TRIO: variants seen among roughly 807,000 people sequenced by gnomAD.
The protein encoded by TRIO is triple functional domain protein.
A neutral mutation model predicts 351.9 loss-of-function variants in TRIO; 58 were observed. That is an observed-to-expected ratio of 0.16 (90% CI 0.13 to 0.21). The LOEUF (loss-of-function observed/expected upper bound fraction) is 0.21. TRIO is among the 10% of genes least tolerant of loss of function. The pLI, the probability that TRIO is intolerant of heterozygous loss-of-function variation, is 1.00. For synonymous variants in TRIO, 1,758 were observed against 1,595.7 expected, an observed-to-expected ratio of 1.10 and a Z score of -2.42; for missense variants, 3,201 against 4,027.8, an observed-to-expected ratio of 0.79 and a Z score of 5.56.
intron 34 of TRIO, chr5:14,420,788 A>T (rs1304221810): frequency 6.6e-6 from 1 of 152,314 alleles, no homozygotes; most frequent in Non-Finnish European, 1.5e-5. Flanking sequence ...ATAAAGTACA[A>T]CTTTTCCTGA....
rs1305874554 is a variant in TRIO, at chr5:14,507,933, T to G, written c.8805T>G (p.Ala2935=). Residue 2935 remains alanine, a synonymous_variant, in exon 57 of 57, where the codon GCT becomes GCG. Transcript: ENST00000344204. ...ESLAKPTIKL[A]DFGDAVQLNT... The stretch of plus-strand genomic sequence containing the variant: ...TAGCCAAGCCAACCATCAAACTGGC[T>G]GACTTTGGAGATGCTGTTCAGCTCA... 6.2e-7 allele frequency: 1 copy of G among 1,614,178 alleles called. No individual in the cohort carries two copies. The highest frequency in any genetic ancestry group is 8.5e-7 in the Non-Finnish European group (1 of 1,180,034).
chr5:14,258,602 G>T (rs1473351871), intron 1 of TRIO, among the ~76,000 whole-genome samples: 1 of 152,188 alleles, frequency 6.6e-6, no homozygotes, highest in Non-Finnish European at 1.5e-5. Flanking sequence ...ACCCCACTCA[G>T]ATTGGGCACT....
chr5:14,170,242 A>G (rs1789014689), intron 1 of TRIO, among the ~76,000 whole-genome samples: 1 of 152,198 alleles, frequency 6.6e-6, no homozygotes. Flanking sequence ...TGAGAGCTTT[A>G]TAATATAGAT....
chr5:14,219,500 G>A (rs1228751927), intron 1 of TRIO, among the ~76,000 whole-genome samples: 2 of 152,212 alleles, frequency 1.3e-5, no homozygotes, highest in East Asian at 3.8e-4. Context: ...CTCTATCAAA[G>A]CCTTAGGCTG....
intron 33 of TRIO, among the ~76,000 whole-genome samples, chr5:14,412,644 G>C (rs1221258529): frequency 6.6e-6 from 1 of 152,294 alleles, no homozygotes; most frequent in Middle Eastern, 3.4e-3. Flanking sequence ...GCCAGCTCAG[G>C]GCTCTGAGTT....
At chr5:14,156,576 T>G (rs974014493) in intron 1 of TRIO, among the ~76,000 whole-genome samples, 4 of 152,228 alleles carry the variant, frequency 2.6e-5, no homozygotes, top group Admixed American at 2.0e-4. Flanking sequence ...TAGTCTTTCC[T>G]CTTCCGTATT....
chr5:14,293,727 A>G (rs1006714010), intron 6 of TRIO, among the ~76,000 whole-genome samples: 20 of 152,318 alleles, frequency 1.3e-4, no homozygotes, highest in African/African-American at 3.8e-4. Flanking sequence ...TGACTGTAGG[A>G]CTACATCACA....
chr5:14,276,541 G>C (rs1735537068), intron 2 of TRIO, among the ~76,000 whole-genome samples: 1 of 152,238 alleles, frequency 6.6e-6, no homozygotes, highest in African/African-American at 2.4e-5. Context: ...TTCACAAACT[G>C]TGTCTTTCAG....
At chr5:14,455,182 C>T (rs568637831) in intron 34 of TRIO, among the ~76,000 whole-genome samples, 6 of 152,244 alleles carry the variant, frequency 3.9e-5, no homozygotes, top group South Asian at 4.2e-4. Context: ...AATGGGTTGC[C>T]GCTGCTGGCT....
intron 34 of TRIO, among the ~76,000 whole-genome samples, chr5:14,423,709 A>C (rs558294110): frequency 1.4e-4 from 22 of 152,250 alleles, no homozygotes; most frequent in African/African-American, 5.3e-4. Flanking sequence ...TCTCTGCCGG[A>C]TGCATTTCTG....
intron 35 of TRIO, 129 bp from the exon 36 acceptor site, chr5:14,462,626 T>A (rs1753914564): frequency 7.7e-7 from 1 of 1,305,162 alleles, no homozygotes; most frequent in African/African-American, 1.5e-5. Flanking sequence ...ACCATCGAGG[T>A]CGAGAATAGC....
chr5:14,444,654 G>A (rs533820046), intron 34 of TRIO, among the ~76,000 whole-genome samples: 37 of 152,154 alleles, frequency 2.4e-4, no homozygotes, highest in Non-Finnish European at 3.5e-4. Context: ...AATCTACATT[G>A]AAGGTTCTAT....
In TRIO at chr5:14,406,494, T is replaced by G; in HGVS notation, c.4860-79T>G. 3.6e-6 allele frequency: 5 copies of G among 1,379,938 alleles called. No individual in the cohort carries two copies. The South Asian group carries it at 5.8e-5, about 16-fold the overall frequency. 85.5% of individuals were successfully genotyped at this position (1,379,938 alleles called of 1,614,324 possible). On this transcript the variant is annotated intron_variant, in intron 32 of 56. Transcript: ENST00000344204. ...GCACTCACGAAGGCTGATATGCACC[T>G]CATTAAACAAATCAGTTGCTTCTCC...
At chr5:14,162,724 A>G (rs766565043) in intron 1 of TRIO, among the ~76,000 whole-genome samples, 2 of 152,330 alleles carry the variant, frequency 1.3e-5, no homozygotes, top group South Asian at 4.1e-4. Context: ...GTTTGCAAGT[A>G]TTATATGATC....
rs188743269 is a variant in TRIO at position 14,383,102 on chromosome 5, G to A, written c.3570+1850G>A. On this transcript the variant is annotated intron_variant, in intron 21 of 56. Coordinates refer to ENST00000344204, the MANE Select transcript of TRIO (RefSeq NM_007118.4). ...CAAGGGAGGCTGAGGTGGGAGGATCGCTTGAGGCCAGGAGTTTGAGACCAG... is the reference window on the plus strand; with the variant it reads ...CAAGGGAGGCTGAGGTGGGAGGATCACTTGAGGCCAGGAGTTTGAGACCAG... 9.2e-5 allele frequency among the ~76,000 whole-genome samples: 14 copies of A among 152,268 alleles called. No individual in the cohort carries two copies. The East Asian group carries it at 1.4e-3, about 15-fold the overall frequency.
chr5:14,212,154 G>C (rs1791947133), intron 1 of TRIO, among the ~76,000 whole-genome samples: 1 of 151,986 alleles, frequency 6.6e-6, no homozygotes, highest in Non-Finnish European at 1.5e-5. Context: ...GAAAAAAAAA[G>C]GCAAATTAAT....
intron 1 of TRIO, among the ~76,000 whole-genome samples, chr5:14,188,628 C>T (rs1001044411): frequency 1.3e-5 from 2 of 152,128 alleles, no homozygotes; most frequent in East Asian, 1.9e-4. Flanking sequence ...TTGTTTTCCC[C>T]TGCACTGTTG....
At chr5:14,209,117 A>G (rs1791720622) in intron 1 of TRIO, among the ~76,000 whole-genome samples, 1 of 152,222 alleles carries the variant, frequency 6.6e-6, no homozygotes, top group Non-Finnish European at 1.5e-5. Context: ...CCTGTTTTCC[A>G]GAAGAGGAAA....
chr5:14,358,162 CT>C lies in TRIO; in HGVS notation c.2047-15del, dbSNP rs762379445. 5.0e-6 allele frequency: 8 copies of C among 1,607,636 alleles called. No individual in the cohort carries two copies. The highest frequency in any genetic ancestry group is 1.7e-4 in the Middle Eastern group (1 of 5,820). ...AGCCAGGCCGGCCGGCCTCACCCCC[CT>C]CTCCCCTTCCCCAGCTGTGGACGTG... On this transcript the variant is annotated splice_polypyrimidine_tract_variant and intron_variant, in intron 11 of 56. Transcript: ENST00000344204.
Sources: allele counts gnomAD v4.1 joint callset (sites outside exome capture counted in the v4.1 genomes callset), GRCh38; gene constraint gnomAD v4.1.1; transcripts MANE v1.5; gene names NCBI Gene and HGNC (gene_info 2026-07-23, HGNC 2026-07-21).